Variants in FBXW8 observed in about 807,000 individuals in gnomAD.
The protein encoded by FBXW8 is F-box and WD repeat domain containing 8.
In FBXW8, 57 loss-of-function variants were observed where a neutral mutation model predicts 65.3. That is an observed-to-expected ratio of 0.87 (90% confidence interval 0.71 to 1.09). The LOEUF (loss-of-function observed/expected upper bound fraction) is 1.09. FBXW8 is among the 50% of genes least tolerant of loss of function. FBXW8 has a pLI of 0.00. For synonymous variants in FBXW8, 308 were observed against 330.2 expected, an observed-to-expected ratio of 0.93 and a Z score of 0.73; for missense variants, 777 against 814.8, an observed-to-expected ratio of 0.95 and a Z score of 0.57.
chr12:116,985,461 A>G, intron 6 of FBXW8, 59 bp downstream of exon 6: 1 of 1,512,628 alleles, frequency 6.6e-7, no homozygotes, highest in Non-Finnish European at 9.0e-7. Context: ...GGTCTAATGT[A>G]AGCACGTACT....
chr12:116,964,409 A>G (rs889809837), intron 4 of FBXW8, among the ~76,000 whole-genome samples: 1 of 152,210 alleles, frequency 6.6e-6, no homozygotes, highest in Admixed American at 6.5e-5. Flanking sequence ...AGATTGTTGT[A>G]ATAGTGTAAA....
rs191181808 is a variant in FBXW8, at chr12:116,974,822, A to G, written c.835+9968A>G. On this transcript the variant is annotated intron_variant, in intron 5 of 10. Coordinates refer to ENST00000652555, the MANE Select transcript of FBXW8 (RefSeq NM_153348.3). ...GATTTTGGTTTCTAAATGTTCTTCA[A>G]TAAAAGGAACAAGGGCTAGGGCAGA... is the stretch of plus-strand genomic sequence containing the variant. 9.2e-5 allele frequency among the ~76,000 whole-genome samples: 14 copies of G among 152,366 alleles called. No homozygotes were observed. The East Asian group carries it at 2.7e-3, about 29-fold the overall frequency.
chr12:117,027,233 A>T (rs1954253127), intron 9 of FBXW8, among the ~76,000 whole-genome samples, 161 bp from the exon 10 acceptor site: 1 of 152,182 alleles, frequency 6.6e-6, no homozygotes, highest in Non-Finnish European at 1.5e-5. Context: ...TCGGGAACTG[A>T]GGTGAGACAC....
At chr12:117,017,362 A>C (rs984465055) in intron 8 of FBXW8, among the ~76,000 whole-genome samples, 29 of 152,236 alleles carry the variant, frequency 1.9e-4, no homozygotes, top group Non-Finnish European at 2.9e-5. Context: ...TTGGCCACAT[A>C]GAATTTTATG....
chr12:117,013,025 G>T (rs140890950), intron 8 of FBXW8, among the ~76,000 whole-genome samples: 1 of 151,996 alleles, frequency 6.6e-6, no homozygotes, highest in Non-Finnish European at 1.5e-5. Context: ...AAAACCAGAC[G>T]CTTGAGGTCA....
At chr12:116,921,598 C>G (rs1880907101) in intron 1 of FBXW8, among the ~76,000 whole-genome samples, 1 of 152,134 alleles carries the variant, frequency 6.6e-6, no homozygotes, top group Admixed American at 6.5e-5. Flanking sequence ...TACTTGCTAA[C>G]AGCACCTCCC....
chr12:116,969,287 T>C (rs1185714863), intron 5 of FBXW8, among the ~76,000 whole-genome samples: 2 of 152,242 alleles, frequency 1.3e-5, no homozygotes, highest in African/African-American at 4.8e-5. Context: ...TGTGTTTCCC[T>C]GCTCCCCTCT....
chr12:117,031,000 C>G lies in FBXW8; in HGVS notation c.*2828C>G, dbSNP rs951560071. 1 of 152,212 alleles carries G rather than the reference C, an allele frequency of 6.6e-6. No homozygotes were observed. Among genetic ancestry groups the G allele is most frequent in the Non-Finnish European group, 1.5e-5 (1 of 68,048 alleles). The allele number at this position is 152,212 out of a possible 1,614,324, so 9.4% of individuals were successfully genotyped here. On this transcript the variant is annotated 3_prime_UTR_variant, in exon 11 of 11. Coordinates refer to ENST00000652555, the MANE Select transcript of FBXW8 (RefSeq NM_153348.3). ...CAGGGACGCCTCCATCCCCGGCTCC[C>G]CTAAAGGTAGAAGATACTCGAGCAT...
At chr12:116,964,430 A>G (rs538546321) in intron 4 of FBXW8, among the ~76,000 whole-genome samples, 38 of 152,356 alleles carry the variant, frequency 2.5e-4, no homozygotes, top group Non-Finnish European at 4.3e-4. Context: ...AGGAAAAGCA[A>G]GGAGATCTTG....
chr12:116,937,816 C>T (rs1882272737), intron 2 of FBXW8, among the ~76,000 whole-genome samples: 2 of 151,374 alleles, frequency 1.3e-5, no homozygotes, highest in Admixed American at 1.3e-4. Context: ...AACCCTAATC[C>T]AGGCAGAGCT....
intron 5 of FBXW8, among the ~76,000 whole-genome samples, chr12:116,966,296 A>G (rs1406447173): frequency 6.6e-6 from 1 of 152,224 alleles, no homozygotes; most frequent in Non-Finnish European, 1.5e-5. Flanking sequence ...CAAAATACCT[A>G]TGCAAAGATT....
chr12:116,969,955 C>T (rs1324676671), intron 5 of FBXW8, among the ~76,000 whole-genome samples: 3 of 152,164 alleles, frequency 2.0e-5, no homozygotes, highest in African/African-American at 7.2e-5. Flanking sequence ...GATTTTACCA[C>T]TAATTGTGTT....
rs187199390 is a variant in FBXW8 at position 116,928,118 on chromosome 12, A to G, written c.414A>G (p.Arg138=). Residue 138 remains arginine, a synonymous_variant, in exon 2 of 11, where the codon AGA becomes AGG. Coordinates refer to ENST00000652555, the MANE Select transcript of FBXW8 (RefSeq NM_153348.3). ...ATCTGGACAGGAAAGAACTAGGAAG[A>G]TGTGCACAGGTAAGGTGTCACCAAC... ...FQYLDRKELG[R]CAQVSKTWKV... is the part of the protein sequence containing the mutation. The G allele has an allele frequency of 5.6e-6, 9 of 1,604,524 alleles. No homozygotes were observed. Among genetic ancestry groups the G allele is most frequent in the African/African-American group, 1.3e-5 (1 of 74,770 alleles).
chr12:117,011,128 T>TTTTTTA (rs1491205419), intron 8 of FBXW8, among the ~76,000 whole-genome samples: 3 of 54,166 alleles, frequency 5.5e-5, no homozygotes, highest in Non-Finnish European at 9.1e-5. Context: ...TTTCTTTTCC[T>TTTTTTA]TTTTTTTTTT....
chr12:117,023,143 C>T (rs1276137835), intron 8 of FBXW8, among the ~76,000 whole-genome samples: 1 of 152,188 alleles, frequency 6.6e-6, no homozygotes, highest in African/African-American at 2.4e-5. Context: ...AATTTTCCCT[C>T]AGAACTTGGA....
chr12:116,937,725 T>C (rs549130018), intron 2 of FBXW8, among the ~76,000 whole-genome samples: 1 of 149,588 alleles, frequency 6.7e-6, no homozygotes, highest in East Asian at 1.9e-4. Flanking sequence ...TGTCTCTATG[T>C]GGTGTGTCCT....
chr12:117,023,290 C>G (rs1326107136), intron 8 of FBXW8, among the ~76,000 whole-genome samples: 1 of 152,166 alleles, frequency 6.6e-6, no homozygotes, highest in Non-Finnish European at 1.5e-5. Context: ...CTGTTCCTTG[C>G]TAGATGCTGG....
chr12:116,938,127 G>GGTCTTTATAT (rs1240868145), intron 2 of FBXW8, among the ~76,000 whole-genome samples: 1 of 151,550 alleles, frequency 6.6e-6, no homozygotes, highest in African/African-American at 2.4e-5. Flanking sequence ...AGTTTAACTA[G>GGTCTTTATAT]GTCTTTTTCT....
At chr12:116,952,424 G>A (rs946193301) in intron 4 of FBXW8, among the ~76,000 whole-genome samples, 1 of 152,156 alleles carries the variant, frequency 6.6e-6, no homozygotes, top group Non-Finnish European at 1.5e-5. Flanking sequence ...ACAAGGTTGT[G>A]CAACCAACAC....
Sources: gnomAD v4.1 joint callset for allele counts (sites outside exome capture counted in the v4.1 genomes callset) on GRCh38, gnomAD v4.1.1 for gene constraint, MANE v1.5 for transcripts, NCBI Gene and HGNC (gene_info 2026-07-23, HGNC 2026-07-21) for gene names.